Variants in CEP78 observed in about 807,000 individuals in gnomAD.
CEP78 encodes centrosomal protein 78, also known as centrosomal protein of 78 kDa.
Under a neutral mutation model 81.2 loss-of-function variants are expected in CEP78, and 76 were observed. That is an observed-to-expected ratio of 0.94 (90% CI 0.78 to 1.13). The LOEUF (loss-of-function observed/expected upper bound fraction) is 1.13, where lower values mean the gene tolerates loss of function less well. CEP78 is among the 50% of genes most tolerant of loss of function. The probability of loss-of-function intolerance (pLI) is 0.00; values close to 1 mark genes in which losing one functional copy is unlikely to be tolerated. For synonymous variants in CEP78, 293 were observed against 301.4 expected, an observed-to-expected ratio of 0.97 and a Z score of 0.29; for missense variants, 918 against 846.8, an observed-to-expected ratio of 1.08 and a Z score of -1.04.
chr9:78,245,661 CT>C (rs1380885644), intron 5 of CEP78, among the ~76,000 whole-genome samples: 1 of 152,068 alleles, frequency 6.6e-6, no homozygotes, highest in Non-Finnish European at 1.5e-5. Context: ...TGTGATAATC[CT>C]TTTGAGTTGA....
At chr9:78,247,915 G>A (rs2118238194) in intron 6 of CEP78, among the ~76,000 whole-genome samples, 1 of 152,324 alleles carries the variant, frequency 6.6e-6, no homozygotes, top group South Asian at 2.1e-4. Context: ...GTGGAGAAGA[G>A]CAGCTTTGGG....
At chr9:78,266,016 C>T in intron 15 of CEP78, 110 bp downstream of exon 15, 1 of 642,022 alleles carries the variant, frequency 1.6e-6, no homozygotes. Context: ...ACCTGTCTGC[C>T]ACAGGAGTCC....
At chr9:78,239,157 T>A (rs914095591) in intron 1 of CEP78, among the ~76,000 whole-genome samples, 2 of 152,078 alleles carry the variant, frequency 1.3e-5, no homozygotes, top group African/African-American at 4.8e-5. Context: ...CTGAACCTTC[T>A]TTATCTCTTG....
intron 2 of CEP78, 41 bp downstream of exon 2, chr9:78,240,236 G>A (rs1826161045): frequency 6.2e-7 from 1 of 1,612,462 alleles, no homozygotes; most frequent in African/African-American, 1.3e-5. Flanking sequence ...TTTGATAGTT[G>A]CTTTTAGAGG....
At chr9:78,261,688 T>C (rs1267335395) in intron 11 of CEP78, among the ~76,000 whole-genome samples, 2 of 152,220 alleles carry the variant, frequency 1.3e-5, no homozygotes, top group East Asian at 3.8e-4. Context: ...ATTTTATTCT[T>C]CTTTCTCCAA....
chr9:78,237,264 A>T (rs1174416854), intron 1 of CEP78, among the ~76,000 whole-genome samples: 1 of 151,932 alleles, frequency 6.6e-6, no homozygotes, highest in African/African-American at 2.4e-5. Flanking sequence ...TACAGGCATG[A>T]GCCACCGCGC....
intron 10 of CEP78, chr9:78,254,444 T>G (rs1026618287): frequency 6.5e-6 from 1 of 153,508 alleles, no homozygotes; most frequent in African/African-American, 2.4e-5. Context: ...GTCCTGTCTT[T>G]AAGACTCTGT....
chr9:78,238,567 T>C (rs936626299), intron 1 of CEP78, among the ~76,000 whole-genome samples: 3 of 152,144 alleles, frequency 2.0e-5, no homozygotes, highest in Non-Finnish European at 4.4e-5. Flanking sequence ...GAAATGATTA[T>C]TGATGTATTT....
rs1827477886 is a variant in CEP78, at chr9:78,265,450, T to A, written c.1704T>A (p.Thr568=). The A allele has an allele frequency of 6.3e-7, 1 of 1,599,620 alleles. No homozygotes were observed. The highest frequency in any genetic ancestry group is 8.5e-7 in the Non-Finnish European group (1 of 1,172,670). The change falls in exon 14 of 17, where the codon ACT becomes ACA. Residue 568 remains threonine, a synonymous_variant. Transcript: ENST00000643273. ...QLLGHPQMTS[T]VSNPPKEEKK... The stretch of plus-strand genomic sequence containing the variant: ...TAGGTCATCCCCAGATGACTTCTAC[T>A]GTTAGTAATCCACCTAAAGAAGAAA...
intron 10 of CEP78, chr9:78,253,827 A>G (rs1826880105): frequency 6.6e-6 from 1 of 152,410 alleles, no homozygotes; most frequent in African/African-American, 2.4e-5. Flanking sequence ...TAGAGACCGT[A>G]ATTTCTCTGT....
At chr9:78,247,246 G>T (rs1280393002) in intron 6 of CEP78, among the ~76,000 whole-genome samples, 1 of 152,180 alleles carries the variant, frequency 6.6e-6, no homozygotes, top group African/African-American at 2.4e-5. Context: ...CAAAAATACC[G>T]TAAGGTAAGA....
Position 78,253,222 on chromosome 9 carries a change from A to C in CEP78, c.1206-10A>C. The C allele has an allele frequency of 8.2e-7, 1 of 1,212,160 alleles. No individual in the cohort carries two copies. Among genetic ancestry groups the C allele is most frequent in the Non-Finnish European group, 1.2e-6 (1 of 831,088 alleles). The allele number at this position is 1,212,160 out of a possible 1,614,324, so 75.1% of individuals were successfully genotyped here. On this transcript the variant is annotated splice_polypyrimidine_tract_variant and intron_variant, in intron 9 of 16. Coordinates refer to ENST00000643273, the MANE Select transcript of CEP78 (RefSeq NM_001330691.3). Reference sequence around the variant, plus strand: ...TCAAAATATAACTTAATTTATCGATATCTTTTTAGGGGTTTCCCATTAATC... The same window carrying C: ...TCAAAATATAACTTAATTTATCGATCTCTTTTTAGGGGTTTCCCATTAATC...
At chr9:78,241,479 A>G (rs1826226169) in intron 3 of CEP78, among the ~76,000 whole-genome samples, 1 of 152,228 alleles carries the variant, frequency 6.6e-6, no homozygotes, top group African/African-American at 2.4e-5. Flanking sequence ...CAATTTTGGC[A>G]TCTAAATAGA....
rs560269034 is a variant in CEP78 at position 78,260,648 on chromosome 9, A to C, written c.1381-2259A>C. On this transcript the variant is annotated intron_variant, in intron 11 of 16. Transcript: ENST00000643273. ...TGTGAACCTGGGAGGTGGAGCTTGC[A>C]GTGAGCCGAGATCAGGCCACTGTAC... 2.7e-5 allele frequency among the ~76,000 whole-genome samples: 4 copies of C among 149,602 alleles called. No homozygotes were observed. In the East Asian group the frequency reaches 8.1e-4, roughly 30 times the overall value.
Position 78,272,747 on chromosome 9 carries a change from T to C in CEP78, c.*1896T>C, listed in dbSNP as rs1827720322. 2 of 152,252 alleles carry C rather than the reference T, an allele frequency of 1.3e-5. No individual in the cohort carries two copies. The highest frequency in any genetic ancestry group is 2.9e-5 in the Non-Finnish European group (2 of 68,044). 9.4% of individuals were successfully genotyped at this position (152,252 alleles called of 1,614,324 possible). ...TTATTTGTGCCCATGCAGTTTGCCT[T>C]TGGCAGATTGGCTAGAGGCCCCTAT... On this transcript the variant is annotated 3_prime_UTR_variant, in exon 17 of 17. Coordinates refer to ENST00000643273, the MANE Select transcript of CEP78 (RefSeq NM_001330691.3).
rs920677287 is a variant in CEP78, at chr9:78,236,569, C to T, written c.219C>T (p.Ile73=). The change falls in exon 1 of 17, where the codon ATC becomes ATT. Residue 73 remains isoleucine (I), a synonymous_variant. Transcript: ENST00000643273. ...KINKDLPLVS[I]KSFFQPWLGD... is the part of the protein sequence containing the mutation. ...ATAAAGACCTGCCCTTGGTCTCCATCAAGAGCTTCTTCCAGCCCTGGCTGG... is the reference window on the plus strand; with the variant it reads ...ATAAAGACCTGCCCTTGGTCTCCATTAAGAGCTTCTTCCAGCCCTGGCTGG... 2 of 1,568,702 alleles carry T rather than the reference C, an allele frequency of 1.3e-6. No homozygotes were observed. The highest frequency in any genetic ancestry group is 1.7e-4 in the Middle Eastern group (1 of 5,856).
chr9:78,239,910 T>C, intron 1 of CEP78, 113 bp from the exon 2 acceptor site: 3 of 846,108 alleles, frequency 3.5e-6, no homozygotes, highest in Non-Finnish European at 5.3e-6. Flanking sequence ...GTGTCTGTGC[T>C]TAAGAGGACT....
In CEP78 at chr9:78,264,175, G is replaced by C; in HGVS notation, c.1484G>C (p.Arg495Thr). 1 of 1,487,078 alleles carries C rather than the reference G, an allele frequency of 6.7e-7. No individual in the cohort carries two copies. Among genetic ancestry groups the C allele is most frequent in the East Asian group, 2.6e-5 (1 of 39,114 alleles). The allele number at this position is 1,487,078 out of a possible 1,614,324, so 92.1% of individuals were successfully genotyped here. The change falls in exon 13 of 17, where the codon AGA becomes ACA. Residue 495 changes from arginine (R) to threonine (T), a missense_variant. Arg to Thr is a moderately conservative substitution (Grantham distance 71). Transcript: ENST00000643273. ...SELEHENAQL[R>T]NINFSLSEAL... is the part of the protein sequence containing the mutation. ...CTGGAACATGAAAATGCCCAGTTAA[G>C]AAATATAAATTTCTCTTTGTCTGAA...
intron 6 of CEP78, 36 bp downstream of exon 6, chr9:78,246,818 T>C: frequency 8.4e-7 from 1 of 1,194,018 alleles, no homozygotes; most frequent in Non-Finnish European, 1.2e-6. Context: ...GACTAACAAA[T>C]AGCAAAAGAA....
Sources: gnomAD v4.1 joint callset for allele counts (sites outside exome capture counted in the v4.1 genomes callset) on GRCh38, gnomAD v4.1.1 for gene constraint, MANE v1.5 for transcripts, NCBI Gene and HGNC (gene_info 2026-07-23, HGNC 2026-07-21) for gene names.